TRMT1L: variants seen among roughly 807,000 people sequenced by gnomAD.
The protein encoded by TRMT1L is tRNA (guanine(27)-N(2))-dimethyltransferase.
In TRMT1L, 28 loss-of-function variants were observed where a neutral mutation model predicts 81.6. That is an observed-to-expected ratio of 0.34 (90% CI 0.25 to 0.47). TRMT1L has a LOEUF of 0.47. Among genes scored for constraint, TRMT1L ranks in the 20% least tolerant of loss-of-function variants. The pLI, the probability that TRMT1L is intolerant of heterozygous loss-of-function variation, is 1.00. For missense variants in TRMT1L, 739 were observed against 877.1 expected, an observed-to-expected ratio of 0.84 and a Z score of 1.99; for synonymous variants, 301 against 303.2, an observed-to-expected ratio of 0.99 and a Z score of 0.07.
At chr1:185,137,561 T>C (rs1571349343) in intron 10 of TRMT1L, 45 bp downstream of exon 10, 2 of 1,556,144 alleles carry the variant, frequency 1.3e-6, no homozygotes, top group Non-Finnish European at 1.8e-6. Context: ...AAAGGCTTAT[T>C]CAGTGGAGGA....
Position 185,125,106 on chromosome 1 carries a change from T to A in TRMT1L, c.1597A>T (p.Ser533Cys). Reference protein sequence around the residue: ...TAIELGPLWSSSLFNTGFLKR... With the variant: ...TAIELGPLWSCSLFNTGFLKR... Reference sequence around the variant, plus strand: ...AGGAATCCAGTATTGAAAAGGGAACTTGACCTGAAAAGAAAAGAATATACA... The same window carrying A: ...AGGAATCCAGTATTGAAAAGGGAACATGACCTGAAAAGAAAAGAATATACA... Residue 533 changes from serine to cysteine, a missense_variant, in exon 12 of 15, where the codon AGT becomes TGT. By Grantham distance (112) the Ser-to-Cys change is moderately radical (BLOSUM62 -1). Around this residue, in one of 4 missense-constraint regions of TRMT1L, gnomAD observed 3 missense variants for 16.9 expected, o/e 0.18. Transcript: ENST00000367506. 1 of 1,602,330 alleles carries A rather than the reference T, an allele frequency of 6.2e-7. No individual in the cohort carries two copies. The highest frequency in any genetic ancestry group is 8.5e-7 in the Non-Finnish European group (1 of 1,174,444).
chr1:185,122,528 G>A (rs552232495), intron 13 of TRMT1L, among the ~76,000 whole-genome samples: 33 of 152,176 alleles, frequency 2.2e-4, no homozygotes, highest in African/African-American at 7.7e-4. Context: ...GATTACAGGT[G>A]TGTGCTACTG....
intron 3 of TRMT1L, among the ~76,000 whole-genome samples, chr1:185,149,075 T>C (rs1363433595): frequency 6.6e-6 from 1 of 152,200 alleles, no homozygotes; most frequent in Non-Finnish European, 1.5e-5. Context: ...TTATAAAATC[T>C]TCCCTATAAA....
intron 1 of TRMT1L, among the ~76,000 whole-genome samples, chr1:185,155,644 A>G (rs1048952104): frequency 6.6e-6 from 1 of 152,250 alleles, no homozygotes; most frequent in African/African-American, 2.4e-5. Context: ...TCAACTTATG[A>G]CCACAAACTA....
intron 5 of TRMT1L, among the ~76,000 whole-genome samples, 188 bp from the exon 6 acceptor site, chr1:185,144,217 G>T (rs772370585): frequency 2.8e-4 from 42 of 151,908 alleles, no homozygotes; most frequent in Non-Finnish European, 4.6e-4. Flanking sequence ...CCAAAGAACT[G>T]ATTTATTCAG....
chr1:185,124,830 A>G (rs1652582980), intron 12 of TRMT1L, 114 bp downstream of exon 12: 5 of 1,044,882 alleles, frequency 4.8e-6, no homozygotes, highest in Non-Finnish European at 6.6e-6. Context: ...GATTTACTAA[A>G]AACACACTAT....
At position 185,118,214 on chromosome 1, in the gene TRMT1L, T is replaced by C. The variant is rs545315956; in HGVS notation, c.*1805A>G. 6.6e-6 allele frequency: 1 copy of C among 152,334 alleles called. No homozygotes were observed. Among genetic ancestry groups the C allele is most frequent in the East Asian group, 1.9e-4 (1 of 5,186 alleles). The allele number at this position is 152,334 out of a possible 1,614,324, so 9.4% of individuals were successfully genotyped here. A position where few individuals can be genotyped will look rare whatever the true frequency, so the allele number is the denominator to read the frequency against. On this transcript the variant is annotated 3_prime_UTR_variant, in exon 15 of 15. Transcript: ENST00000367506. Reference sequence around the variant, plus strand: ...GTTACGAGAATAAGATTGCTCAGGTTGCTAAAAGGAATTTTTAAAGTATTT... The same window carrying C: ...GTTACGAGAATAAGATTGCTCAGGTCGCTAAAAGGAATTTTTAAAGTATTT...
At chr1:185,155,585 T>C (rs537996725) in intron 1 of TRMT1L, among the ~76,000 whole-genome samples, 1 of 152,268 alleles carries the variant, frequency 6.6e-6, no homozygotes, top group East Asian at 1.9e-4. Context: ...GTAGAAAAAA[T>C]AATGAATTAA....
intron 3 of TRMT1L, 53 bp from the exon 4 acceptor site, chr1:185,147,299 T>C (rs1045130494): frequency 2.2e-6 from 3 of 1,357,786 alleles, no homozygotes; most frequent in Non-Finnish European, 3.1e-6. Context: ...TATTCAGTTA[T>C]CAAAAATTAT....
Position 185,118,643 on chromosome 1 carries a change from C to A in TRMT1L, c.*1376G>T, listed in dbSNP as rs904192693. ...TGGTCATTATAGAAACTAGCTTGCA[C>A]TTCACCTATTTCTTGATTTTACCGA... is the stretch of plus-strand genomic sequence containing the variant. On this transcript the variant is annotated 3_prime_UTR_variant, in exon 15 of 15. Coordinates refer to ENST00000367506, the MANE Select transcript of TRMT1L (RefSeq NM_030934.5). 3 of 152,174 alleles carry A rather than the reference C, an allele frequency of 2.0e-5. No individual in the cohort carries two copies. The highest frequency in any genetic ancestry group is 4.4e-5 in the Non-Finnish European group (3 of 67,984). The allele number at this position is 152,174 out of a possible 1,614,324, so 9.4% of individuals were successfully genotyped here.
Position 185,139,469 on chromosome 1 carries a change from G to A in TRMT1L, c.1220C>T (p.Ala407Val). 6.2e-7 allele frequency: 1 copy of A among 1,614,118 alleles called. No homozygotes were observed. Among genetic ancestry groups the A allele is most frequent in the Non-Finnish European group, 8.5e-7 (1 of 1,180,016 alleles). The stretch of plus-strand genomic sequence containing the variant: ...ACGCCGGGCAACATGCTGTGCCTTG[G>A]CATATAAAGAACTGATATCTGTAGA... Reference protein sequence around the residue: ...VTSTDISSLYAKAQHVARRHY... With the variant: ...VTSTDISSLYVKAQHVARRHY... Residue 407 changes from alanine to valine, a missense_variant, in exon 9 of 15, where the codon GCC becomes GTC. By Grantham distance (64) the Ala-to-Val change is moderately conservative. Transcript: ENST00000367506.
chr1:185,128,959 T>C (rs1456936859), intron 10 of TRMT1L, among the ~76,000 whole-genome samples: 1 of 152,104 alleles, frequency 6.6e-6, no homozygotes, highest in Non-Finnish European at 1.5e-5. Context: ...CACACACATA[T>C]ATATATTTTT....
chr1:185,118,979 T>C lies in TRMT1L; in HGVS notation c.*1040A>G, dbSNP rs577937125. ...AATCCTTGAGACAAAAACCCAAACT[T>C]TATACCAAATCCTTTCATCCAAAAT... On this transcript the variant is annotated 3_prime_UTR_variant, in exon 15 of 15. Coordinates refer to ENST00000367506, the MANE Select transcript of TRMT1L (RefSeq NM_030934.5). 5.3e-5 allele frequency: 8 copies of C among 152,052 alleles called. No homozygotes were observed. The highest frequency in any genetic ancestry group is 2.1e-4 in the South Asian group (1 of 4,824). The allele number at this position is 152,052 out of a possible 1,614,324, so 9.4% of individuals were successfully genotyped here.
intron 13 of TRMT1L, among the ~76,000 whole-genome samples, chr1:185,123,547 TTTATC>T (rs755259583): frequency 3.3e-5 from 5 of 152,028 alleles, no homozygotes; most frequent in African/African-American, 9.7e-5. Flanking sequence ...AGAATAAAAT[TTTATC>T]TTAACTATAA....
chr1:185,143,041 C>T lies in TRMT1L; in HGVS notation c.859+316G>A, dbSNP rs192624687. On this transcript the variant is annotated intron_variant, in intron 7 of 14. Coordinates refer to ENST00000367506, the MANE Select transcript of TRMT1L (RefSeq NM_030934.5). ...AAATCTTTACCTTTTAGAGATCCAA[C>T]TGAAATACTTACAGATGAAATGATG... Among the ~76,000 whole-genome samples, 6 of 152,154 alleles carry T rather than the reference C, an allele frequency of 3.9e-5. No homozygotes were observed. The East Asian group carries it at 9.6e-4, about 24-fold the overall frequency.
In TRMT1L at chr1:185,153,542, G is replaced by A. The variant is rs957053206; in HGVS notation, c.236-1607C>T. The stretch of plus-strand genomic sequence containing the variant: ...CATCTGGTGACCTTTAAGAAAACAG[G>A]TTCAGGGAGGTGTTTCAGAGTAGAA... On this transcript the variant is annotated intron_variant, in intron 1 of 14. Coordinates refer to ENST00000367506, the MANE Select transcript of TRMT1L (RefSeq NM_030934.5). Among the ~76,000 whole-genome samples, 6 of 152,286 alleles carry A rather than the reference G, an allele frequency of 3.9e-5. No homozygotes were observed. The East Asian group carries it at 1.2e-3, about 29-fold the overall frequency.
At chr1:185,129,708 C>A (rs983877909) in intron 10 of TRMT1L, among the ~76,000 whole-genome samples, 1 of 152,178 alleles carries the variant, frequency 6.6e-6, no homozygotes, top group East Asian at 1.9e-4. Context: ...CTATTCAATA[C>A]AATTATTGGT....
At chr1:185,145,054 A>G (rs1376598051) in intron 5 of TRMT1L, among the ~76,000 whole-genome samples, 1 of 151,940 alleles carries the variant, frequency 6.6e-6, no homozygotes, top group Admixed American at 6.6e-5. Context: ...GTAACAAGCT[A>G]TTAATAATTT....
Position 185,119,999 on chromosome 1 carries a change from G to C in TRMT1L, c.*20C>G. On this transcript the variant is annotated 3_prime_UTR_variant, in exon 15 of 15. Coordinates refer to ENST00000367506, the MANE Select transcript of TRMT1L (RefSeq NM_030934.5). ...TTAGGCCATCTATACAGACACCTGA[G>C]AACCAATTCTTCTCTACGTTTACCA... The C allele has an allele frequency of 6.2e-7, 1 of 1,611,430 alleles. No homozygotes were observed. Among genetic ancestry groups the C allele is most frequent in the South Asian group, 1.1e-5 (1 of 90,890 alleles).
Sources: gnomAD v4.1 joint callset for allele counts (sites outside exome capture counted in the v4.1 genomes callset) on GRCh38, gnomAD v4.1.1 for gene constraint, gnomAD v4.1.1 regional missense constraint, MANE v1.5 for transcripts, NCBI Gene and HGNC (gene_info 2026-07-23, HGNC 2026-07-21) for gene names.